Variants in NME7 observed in about 807,000 individuals in gnomAD.
NME7 encodes NME/NM23 family member 7.
In NME7, 41 loss-of-function variants were observed where a neutral mutation model predicts 49.1. The observed-to-expected ratio is 0.83, with a 90% CI of 0.65 to 1.08. The LOEUF (loss-of-function observed/expected upper bound fraction) is 1.08, where lower values mean the gene tolerates loss of function less well. Among genes scored for constraint, NME7 ranks in the 50% least tolerant of loss-of-function variants. The pLI is 0.00. For synonymous variants in NME7, 139 were observed against 150.6 expected (o/e 0.92, Z 0.56); for missense variants, 423 against 463.4 (o/e 0.91, Z 0.80).
intron 10 of NME7, among the ~76,000 whole-genome samples, chr1:169,189,662 T>C (rs1310372320): frequency 6.6e-6 from 1 of 152,132 alleles, no homozygotes; most frequent in African/African-American, 2.4e-5. Context: ...TGACTCTGAG[T>C]ACACTATGCT....
At chr1:169,135,956 C>G (rs2101803272) in intron 11 of NME7, among the ~76,000 whole-genome samples, 1 of 152,192 alleles carries the variant, frequency 6.6e-6, no homozygotes. Context: ...CTAGCTTTAT[C>G]ACAAAGCCTT....
At chr1:169,241,437 G>T (rs1316596826) in intron 7 of NME7, among the ~76,000 whole-genome samples, 1 of 151,332 alleles carries the variant, frequency 6.6e-6, no homozygotes, top group Non-Finnish European at 1.5e-5. Context: ...TCCATAAAAG[G>T]GTCTCATTAA....
At chr1:169,345,224 T>C (rs989278008) in intron 1 of NME7, among the ~76,000 whole-genome samples, 18 of 145,910 alleles carry the variant, frequency 1.2e-4, no homozygotes, top group Admixed American at 1.2e-3. Flanking sequence ...CAGTCTTTTT[T>C]CTTGGTCAGT....
chr1:169,302,930 C>T (rs1651004881), intron 5 of NME7, among the ~76,000 whole-genome samples: 2 of 151,414 alleles, frequency 1.3e-5, no homozygotes, highest in Admixed American at 1.3e-4. Context: ...CTATTTGCAA[C>T]TGATTAAACT....
chr1:169,237,522 T>A, intron 8 of NME7, 101 bp downstream of exon 8: 1 of 763,574 alleles, frequency 1.3e-6, no homozygotes, highest in South Asian at 2.0e-5. Context: ...TTATTTTTAA[T>A]GTGGTTCATG....
chr1:169,169,174 C>T, intron 11 of NME7: 2 of 365,104 alleles, frequency 5.5e-6, no homozygotes, highest in South Asian at 4.9e-5. Flanking sequence ...CAGAGTCATC[C>T]AAGGGGAACA....
At chr1:169,350,551 T>C (rs559015559) in intron 1 of NME7, among the ~76,000 whole-genome samples, 2 of 152,024 alleles carry the variant, frequency 1.3e-5, no homozygotes, top group East Asian at 2.0e-4. Context: ...TTTTGTCTCC[T>C]AGATTTTGGA....
intron 1 of NME7, among the ~76,000 whole-genome samples, chr1:169,361,327 T>A (rs1295994526): frequency 6.6e-6 from 1 of 152,226 alleles, no homozygotes; most frequent in Non-Finnish European, 1.5e-5. Context: ...GCATTTGTAA[T>A]ACAATATATA....
At chr1:169,274,222 A>G (rs1359516925) in intron 7 of NME7, among the ~76,000 whole-genome samples, 7 of 133,600 alleles carry the variant, frequency 5.2e-5, no homozygotes, top group Admixed American at 2.2e-4. Context: ...GCCAGTGATG[A>G]TGAGCATTTT....
At chr1:169,271,543 G>C (rs972391545) in intron 7 of NME7, among the ~76,000 whole-genome samples, 2 of 133,100 alleles carry the variant, frequency 1.5e-5, no homozygotes, top group Admixed American at 1.5e-4. Context: ...AACATCTCAA[G>C]GTTTTGCAAT....
chr1:169,229,766 G>A (rs1166299512), intron 10 of NME7, among the ~76,000 whole-genome samples: 1 of 152,072 alleles, frequency 6.6e-6, no homozygotes, highest in South Asian at 2.1e-4. Flanking sequence ...TTCAAGACCA[G>A]CCTGGCCAAC....
chr1:169,280,097 C>A lies in NME7; in HGVS notation c.754+7206G>T, dbSNP rs531064362. On this transcript the variant is annotated intron_variant, in intron 7 of 11. Coordinates refer to ENST00000367811, the MANE Select transcript of NME7 (RefSeq NM_013330.5). ...CCCACCAACAGTGTAAAAGCGTTCC[C>A]ATTTTTCCACAACCTCTCCAGCATC... Among the ~76,000 whole-genome samples, 6 of 152,266 alleles carry A rather than the reference C, an allele frequency of 3.9e-5. No homozygotes were observed. In the East Asian group the frequency reaches 1.2e-3, roughly 29 times the overall value.
intron 11 of NME7, among the ~76,000 whole-genome samples, chr1:169,151,362 G>A (rs1658909894): frequency 6.6e-6 from 1 of 152,154 alleles, no homozygotes; most frequent in Admixed American, 6.5e-5. Flanking sequence ...AGGCCTCGAG[G>A]GGATGGAGGA....
intron 1 of NME7, among the ~76,000 whole-genome samples, chr1:169,342,082 G>T (rs1652727763): frequency 6.6e-6 from 1 of 152,124 alleles, no homozygotes; most frequent in Non-Finnish European, 1.5e-5. Flanking sequence ...TTTGGGAGGG[G>T]CCAGGGGTGG....
In NME7 at chr1:169,237,668, C is replaced by A. The variant is rs765226537; in HGVS notation, c.774G>T (p.Leu258=). The change falls in exon 8 of 12, where the codon CTG becomes CTT. Residue 258 remains leucine (L), a synonymous_variant. Transcript: ENST00000367811. ...AVSEGLLGKI[L]MAIRDAGFEI... ...CAAAACCTGCATCTCGGATAGCCAT[C>A]AGGATCTTTCCCAACAGTCCTGAAA... 6.2e-7 allele frequency: 1 copy of A among 1,610,734 alleles called. No individual in the cohort carries two copies. The highest frequency in any genetic ancestry group is 1.7e-5 in the Admixed American group (1 of 59,770).
intron 4 of NME7, among the ~76,000 whole-genome samples, chr1:169,305,260 TTGTTA>T (rs1157105260): frequency 6.6e-6 from 1 of 152,228 alleles, no homozygotes; most frequent in African/African-American, 2.4e-5. Context: ...TTTTGTTGTT[TTGTTA>T]TGTTTTGTTG....
At chr1:169,327,538 T>TAAAGTCTTAAGGTCTC (rs1402192928) in intron 1 of NME7, among the ~76,000 whole-genome samples, 38 of 152,310 alleles carry the variant, frequency 2.5e-4, no homozygotes, top group Non-Finnish European at 4.6e-4. Flanking sequence ...CTTAGTATCT[T>TAAAGTCTTAAGGTCTC]AAAGTCTTAA....
chr1:169,215,655 A>T (rs545191035), intron 10 of NME7, among the ~76,000 whole-genome samples: 1 of 152,376 alleles, frequency 6.6e-6, no homozygotes, highest in South Asian at 2.1e-4. Flanking sequence ...TTAGAAAGCA[A>T]GGCCCACCTG....
chr1:169,244,057 A>C (rs1648205565), intron 7 of NME7, among the ~76,000 whole-genome samples: 1 of 152,038 alleles, frequency 6.6e-6, no homozygotes, highest in Admixed American at 6.5e-5. Context: ...AAAAATATAC[A>C]TATGTGTATA....
Sources: gnomAD v4.1 joint callset for allele counts (sites outside exome capture counted in the v4.1 genomes callset) on GRCh38, gnomAD v4.1.1 for gene constraint, MANE v1.5 for transcripts, NCBI Gene and HGNC (gene_info 2026-07-23, HGNC 2026-07-21) for gene names.